The following STAG1 variants were observed in gnomAD, a reference collection of about 807,000 sequenced individuals.
STAG1 encodes the protein STAG1 cohesin complex component.
STAG1 carries 26 observed loss-of-function variants against 170.9 expected under a neutral mutation model. The ratio of observed to expected loss-of-function variants is 0.15; its 90% confidence interval spans 0.11 to 0.21. The LOEUF (loss-of-function observed/expected upper bound fraction) is 0.21. STAG1 is among the 10% of genes least tolerant of loss of function. STAG1 has a pLI of 1.00. For synonymous variants in STAG1, 514 were observed against 497.7 expected (o/e 1.03, Z -0.44); for missense variants, 964 against 1,509.5 (o/e 0.64, Z 5.99).
chr3:136,400,780 C>T (rs867008410), intron 21 of STAG1, among the ~76,000 whole-genome samples: 4 of 152,076 alleles, frequency 2.6e-5, no homozygotes, highest in South Asian at 2.1e-4. Context: ...ATGATCCGCC[C>T]GCCTCAGCCT....
At chr3:136,644,888 T>C (rs1940944567) in intron 1 of STAG1, among the ~76,000 whole-genome samples, 1 of 152,058 alleles carries the variant, frequency 6.6e-6, no homozygotes. Flanking sequence ...GCCCAGCTAA[T>C]TTTTTGTATT....
chr3:136,565,027 C>A lies in STAG1; in HGVS notation c.394+3738G>T, dbSNP rs1204396108. On this transcript the variant is annotated intron_variant, in intron 5 of 33. Transcript: ENST00000383202. Reference sequence around the variant, plus strand: ...GAAGGAAGGAAGGCAGGCAGGCAGGCAGGCAGGCAGGCAGAAGGGAGGGAG... The same window carrying A: ...GAAGGAAGGAAGGCAGGCAGGCAGGAAGGCAGGCAGGCAGAAGGGAGGGAG... Among the ~76,000 whole-genome samples, 35 of 69,362 alleles carry A rather than the reference C, an allele frequency of 5.0e-4. 1 individual carries two copies. Among genetic ancestry groups the A allele is most frequent in the African/African-American group, 1.7e-3 (21 of 12,270 alleles). The allele number at this position is 69,362 out of a possible 152,430, so 45.5% of individuals were successfully genotyped here.
chr3:136,494,325 A>G (rs1932955785), intron 9 of STAG1, among the ~76,000 whole-genome samples: 1 of 152,172 alleles, frequency 6.6e-6, no homozygotes. Context: ...CAGGATATAT[A>G]AATTGAATCA....
At chr3:136,578,981 A>G (rs567624294) in intron 4 of STAG1, among the ~76,000 whole-genome samples, 1 of 152,248 alleles carries the variant, frequency 6.6e-6, no homozygotes, top group Non-Finnish European at 1.5e-5. Flanking sequence ...AACTAGAAGT[A>G]AACACTACAT....
intron 20 of STAG1, among the ~76,000 whole-genome samples, chr3:136,419,073 C>G (rs920350619): frequency 1.3e-5 from 2 of 152,100 alleles, no homozygotes; most frequent in Non-Finnish European, 2.9e-5. Context: ...TGGGAAAGCT[C>G]AAAAACTGCA....
intron 1 of STAG1, among the ~76,000 whole-genome samples, chr3:136,737,538 T>C (rs542036229): frequency 6.6e-6 from 1 of 152,324 alleles, no homozygotes; most frequent in Admixed American, 6.5e-5. Flanking sequence ...ATGCCAGGCC[T>C]TGCCTCTGCA....
chr3:136,384,405 G>T (rs556253318), intron 22 of STAG1, among the ~76,000 whole-genome samples: 2 of 149,576 alleles, frequency 1.3e-5, no homozygotes, highest in Admixed American at 6.8e-5. Flanking sequence ...AGCAAAGACT[G>T]CACCATTGCA....
chr3:136,498,787 T>C (rs1331740913), intron 9 of STAG1, among the ~76,000 whole-genome samples: 2 of 152,044 alleles, frequency 1.3e-5, no homozygotes, highest in African/African-American at 4.8e-5. Context: ...ACATGCAGTA[T>C]ATGCAAGAAA....
At chr3:136,571,902 G>A (rs1024105639) in intron 4 of STAG1, among the ~76,000 whole-genome samples, 2 of 151,996 alleles carry the variant, frequency 1.3e-5, no homozygotes, top group African/African-American at 4.8e-5. Context: ...AATAAATAAG[G>A]CTGGGCACGG....
intron 26 of STAG1, among the ~76,000 whole-genome samples, chr3:136,361,565 C>T (rs1033274179): frequency 1.3e-5 from 2 of 152,040 alleles, no homozygotes; most frequent in African/African-American, 4.8e-5. Flanking sequence ...TCATTCATGC[C>T]AATCTGTTGA....
At chr3:136,557,964 C>T (rs905854629) in intron 5 of STAG1, among the ~76,000 whole-genome samples, 2 of 151,964 alleles carry the variant, frequency 1.3e-5, no homozygotes, top group African/African-American at 2.4e-5. Context: ...GCTAGAGATA[C>T]AAAGAGAACA....
chr3:136,430,574 T>C (rs1297561223), intron 16 of STAG1, among the ~76,000 whole-genome samples: 5 of 150,164 alleles, frequency 3.3e-5, no homozygotes, highest in East Asian at 2.0e-4. Flanking sequence ...GGAAGAACAA[T>C]TGTCTGGGGC....
intron 1 of STAG1, among the ~76,000 whole-genome samples, chr3:136,744,603 TTACAATTCAA>T (rs968292367): frequency 6.6e-6 from 1 of 152,092 alleles, no homozygotes; most frequent in Non-Finnish European, 1.5e-5. Context: ...ACCAATGAGA[TTACAATTCAA>T]TGCTTTTCCC....
At chr3:136,662,173 A>G (rs1466139810) in intron 1 of STAG1, among the ~76,000 whole-genome samples, 1 of 141,138 alleles carries the variant, frequency 7.1e-6, no homozygotes, top group East Asian at 2.1e-4. Context: ...TTTTTTGGAG[A>G]TGGAGTCTTG....
rs541188457 is a variant in STAG1 at position 136,568,439 on chromosome 3, T to G, written c.394+326A>C. ...CTAGCAACTAGCACACTTCCCAATA[T>G]GGAGCATACATACAAATAATATGAG... On this transcript the variant is annotated intron_variant, in intron 5 of 33. Coordinates refer to ENST00000383202, the MANE Select transcript of STAG1 (RefSeq NM_005862.3). Among the ~76,000 whole-genome samples the G allele has an allele frequency of 9.2e-5, 14 of 152,210 alleles. No individual in the cohort carries two copies. The South Asian group carries it at 2.7e-3, about 29-fold the overall frequency.
chr3:136,398,722 C>T, intron 22 of STAG1, 27 bp downstream of exon 22: 1 of 1,472,878 alleles, frequency 6.8e-7, no homozygotes, highest in Non-Finnish European at 9.4e-7. Flanking sequence ...AGTAATAACC[C>T]TTCTGCCTAC....
intron 7 of STAG1, among the ~76,000 whole-genome samples, chr3:136,514,237 T>C (rs1009523768): frequency 6.6e-6 from 1 of 152,080 alleles, no homozygotes; most frequent in African/African-American, 2.4e-5. Flanking sequence ...CTGTTCTCTA[T>C]ATTAAAATCA....
At chr3:136,664,910 A>G (rs1290407022) in intron 1 of STAG1, among the ~76,000 whole-genome samples, 2 of 152,230 alleles carry the variant, frequency 1.3e-5, no homozygotes, top group African/African-American at 4.8e-5. Flanking sequence ...TTTAAAAACT[A>G]ACAAAAGTAT....
chr3:136,691,134 C>T (rs1206750784), intron 1 of STAG1, among the ~76,000 whole-genome samples: 1 of 151,416 alleles, frequency 6.6e-6, no homozygotes, highest in Non-Finnish European at 1.5e-5. Context: ...CTCATCTCCA[C>T]AAAAAATACA....
Sources: allele counts gnomAD v4.1 joint callset (sites outside exome capture counted in the v4.1 genomes callset), GRCh38; gene constraint gnomAD v4.1.1; transcripts MANE v1.5; gene names NCBI Gene and HGNC (gene_info 2026-07-23, HGNC 2026-07-21).